PDE1C: variants seen among roughly 807,000 people sequenced by gnomAD.
PDE1C encodes phosphodiesterase 1C, also known as dual specificity calcium/calmodulin-dependent 3',5'-cyclic nucleotide phosphodiesterase 1C.
A neutral mutation model predicts 93.1 loss-of-function variants in PDE1C; 62 were observed. The observed-to-expected ratio is 0.67, with a 90% CI of 0.54 to 0.82. The LOEUF (loss-of-function observed/expected upper bound fraction) is 0.82. PDE1C is among the 40% of genes least tolerant of loss of function. PDE1C has a pLI of 0.00. For synonymous variants in PDE1C, 325 were observed against 310.1 expected (o/e 1.05, Z -0.50); for missense variants, 742 against 884.6 (o/e 0.84, Z 2.04).
intron 1 of PDE1C, among the ~76,000 whole-genome samples, chr7:32,414,477 G>C (rs1785232961): frequency 6.6e-6 from 1 of 152,138 alleles, no homozygotes. Context: ...GTTCACAGTA[G>C]CTATCTTTAG....
At chr7:31,816,560 C>A (rs1176615894) in intron 14 of PDE1C, among the ~76,000 whole-genome samples, 4 of 152,018 alleles carry the variant, frequency 2.6e-5, no homozygotes, top group Admixed American at 2.0e-4. Flanking sequence ...CTCAATTTGA[C>A]AAATGTGGAA....
chr7:31,732,758 T>C, the PDE1C span, among the ~76,000 whole-genome samples: 2 of 152,052 alleles, frequency 1.3e-5, no homozygotes, highest in African/African-American at 2.4e-5. Flanking sequence ...TTTGGTCTGC[T>C]TTACATTTAA....
chr7:31,770,681 T>C (rs1795428656), intron 17 of PDE1C, among the ~76,000 whole-genome samples: 1 of 152,110 alleles, frequency 6.6e-6, no homozygotes, highest in Non-Finnish European at 1.5e-5. Context: ...CGGCTAATTT[T>C]TGTATTTTAG....
chr7:32,241,914 G>A (rs1342816803), intron 1 of PDE1C, among the ~76,000 whole-genome samples: 1 of 152,142 alleles, frequency 6.6e-6, no homozygotes, highest in African/African-American at 2.4e-5. Flanking sequence ...GGGAGATACA[G>A]CAAGGGGAGC....
At chr7:31,746,447 G>A (rs1049119239), downstream of PDE1C, among the ~76,000 whole-genome samples, 6 of 152,152 alleles carry the variant, frequency 3.9e-5, no homozygotes, top group African/African-American at 9.7e-5. Context: ...AGATGAAGAA[G>A]TCCAGCAAGT....
chr7:31,872,254 AG>A (rs1202329478), intron 6 of PDE1C, among the ~76,000 whole-genome samples: 3 of 152,132 alleles, frequency 2.0e-5, no homozygotes, highest in African/African-American at 7.2e-5. Context: ...GGTGATAAAG[AG>A]GGATTGGTTA....
rs567573813 is a variant in PDE1C at position 32,348,555 on chromosome 7, G to A, written c.310+79267C>T. On this transcript the variant is annotated intron_variant, in intron 1 of 1. Coordinates refer to the PDE1C transcript ENST00000672256. ...AATTTTTTGTATTTTAGTAGAGACA[G>A]GGTTTCACCATGTTAGCCAGGATGG... 6.1e-4 allele frequency among the ~76,000 whole-genome samples: 92 copies of A among 151,978 alleles called. 2 individuals are homozygous for A. The highest frequency in any genetic ancestry group is 2.1e-3 in the African/African-American group (89 of 41,464).
intron 2 of PDE1C, among the ~76,000 whole-genome samples, chr7:31,987,493 G>A (rs1177673071): frequency 6.6e-6 from 1 of 152,148 alleles, no homozygotes; most frequent in Non-Finnish European, 1.5e-5. Context: ...CAAGCCTAAA[G>A]AGAAAAGAAT....
intron 3 of PDE1C, among the ~76,000 whole-genome samples, chr7:32,116,102 G>A (rs543155953): frequency 1.3e-5 from 2 of 152,304 alleles, no homozygotes; most frequent in Admixed American, 6.5e-5. Context: ...TAAAACATTA[G>A]AAAGGCATAA....
intron 2 of PDE1C, among the ~76,000 whole-genome samples, chr7:32,004,391 T>C (rs1785903065): frequency 1.3e-5 from 2 of 152,182 alleles, no homozygotes; most frequent in African/African-American, 4.8e-5. Flanking sequence ...GGTCCATAGA[T>C]GGAGTGGACT....
intron 1 of PDE1C, among the ~76,000 whole-genome samples, chr7:32,373,950 T>A (rs1784374638): frequency 6.6e-6 from 1 of 151,460 alleles, no homozygotes; most frequent in Non-Finnish European, 1.5e-5. Context: ...TGAGCCAAGA[T>A]CGCGCCACTG....
At chr7:32,297,994 T>C (rs1812706456) in intron 1 of PDE1C, among the ~76,000 whole-genome samples, 5 of 42,524 alleles carry the variant, frequency 1.2e-4, no homozygotes, top group African/African-American at 3.3e-4. Context: ...TCTCTCTCTC[T>C]CTCCTCTCTC....
At chr7:32,267,677 TA>T (rs1201669861) in intron 1 of PDE1C, among the ~76,000 whole-genome samples, 2 of 150,442 alleles carry the variant, frequency 1.3e-5, no homozygotes, top group Admixed American at 6.6e-5. Flanking sequence ...GTCTCTTCTC[TA>T]GCACCCCTGG....
intron 14 of PDE1C, among the ~76,000 whole-genome samples, chr7:31,819,724 C>T (rs562267371): frequency 6.6e-6 from 1 of 152,092 alleles, no homozygotes; most frequent in Non-Finnish European, 1.5e-5. Context: ...TGGGGAAATA[C>T]ATTGATTTCT....
chr7:32,424,509 G>A (rs1213791190), intron 1 of PDE1C, among the ~76,000 whole-genome samples: 1 of 152,206 alleles, frequency 6.6e-6, no homozygotes, highest in Non-Finnish European at 1.5e-5. Flanking sequence ...TAAGTCGGGT[G>A]CAGTGGCTCA....
chr7:32,227,009 C>T (rs1807330122), intron 1 of PDE1C, among the ~76,000 whole-genome samples: 1 of 152,146 alleles, frequency 6.6e-6, no homozygotes, highest in African/African-American at 2.4e-5. Context: ...TTTCTTCCTT[C>T]CCCACATTTG....
At chr7:31,678,120 CAA>C in the PDE1C span, among the ~76,000 whole-genome samples, 1 of 151,908 alleles carries the variant, frequency 6.6e-6, no homozygotes, top group Non-Finnish European at 1.5e-5. Context: ...TCCAGAAGAA[CAA>C]AAAAGTAGAT....
At chr7:32,238,237 C>T (rs1288184447) in intron 1 of PDE1C, among the ~76,000 whole-genome samples, 1 of 152,174 alleles carries the variant, frequency 6.6e-6, no homozygotes, top group Non-Finnish European at 1.5e-5. Context: ...TTTCAAATGA[C>T]ATCTTCTACA....
In PDE1C at chr7:32,027,548, A is replaced by G. The variant is rs150398633; in HGVS notation, c.128+24006T>C. Among the ~76,000 whole-genome samples, 630 of 147,012 alleles carry G rather than the reference A, an allele frequency of 4.3e-3. 5 individuals carry two copies. The highest frequency in any genetic ancestry group is 0.012 in the African/African-American group (481 of 40,142). ...AAGATTCCAAATTCACCACAAATGG[A>G]ATGCCACTGCTTCAATTTTCTTTGC... is the stretch of plus-strand genomic sequence containing the variant. On this transcript the variant is annotated intron_variant, in intron 2 of 17. Coordinates refer to ENST00000396191, the MANE Select transcript of PDE1C (RefSeq NM_001191057.4).
Sources: allele counts gnomAD v4.1 joint callset (sites outside exome capture counted in the v4.1 genomes callset), GRCh38; gene constraint gnomAD v4.1.1; transcripts MANE v1.5; gene names NCBI Gene and HGNC (gene_info 2026-07-23, HGNC 2026-07-21).